Variants in VAT1 observed in about 807,000 individuals in gnomAD.
VAT1 encodes vesicle amine transport 1.
A neutral mutation model predicts 33.3 loss-of-function variants in VAT1; 24 were observed. The ratio of observed to expected loss-of-function variants is 0.72; its 90% CI spans 0.52 to 1.01. VAT1 has a LOEUF of 1.01. Among genes scored for constraint, VAT1 ranks in the 50% least tolerant of loss-of-function variants. The probability of loss-of-function intolerance (pLI) is 0.00; values close to 1 mark genes in which losing one functional copy is unlikely to be tolerated. For missense variants in VAT1, 436 were observed against 533.7 expected, an observed-to-expected ratio of 0.82 and a Z score of 1.80; for synonymous variants, 212 against 225.0, an observed-to-expected ratio of 0.94 and a Z score of 0.52.
At chr17:43,018,541 G>A in intron 2 of VAT1, 51 bp downstream of exon 2, 1 of 1,597,370 alleles carries the variant, frequency 6.3e-7, no homozygotes, top group East Asian at 2.2e-5. Context: ...GAAGGGGCCT[G>A]GAAGGAAATC....
In VAT1 at chr17:43,016,034, G is replaced by A; in HGVS notation, c.*27C>T. The A allele has an allele frequency of 2.5e-6, 4 of 1,612,124 alleles. No individual in the cohort carries two copies. The highest frequency in any genetic ancestry group is 1.7e-6 in the Non-Finnish European group (2 of 1,178,560). On this transcript the variant is annotated 3_prime_UTR_variant, in exon 6 of 6. Transcript: ENST00000355653. ...AGCTTCCCAACTTCTCCCTTCGCTG[G>A]TCTCTAGGGTCTCACAGCCACTTGC...
rs768638142 is a variant in VAT1, at chr17:43,015,991, T to C, written c.*70A>G. On this transcript the variant is annotated 3_prime_UTR_variant, in exon 6 of 6. Coordinates refer to ENST00000355653, the MANE Select transcript of VAT1 (RefSeq NM_006373.4). ...TATGACAGAGGCTGAAATGCAAGTCTGGTGGCCAACAGAACGTAGCTTCCC... is the reference window on the plus strand; with the variant it reads ...TATGACAGAGGCTGAAATGCAAGTCCGGTGGCCAACAGAACGTAGCTTCCC... 7.0e-5 allele frequency: 109 copies of C among 1,550,996 alleles called. No homozygotes were observed. Among genetic ancestry groups the C allele is most frequent in the Non-Finnish European group, 9.5e-5 (107 of 1,127,096 alleles).
rs1244030376 is a variant in VAT1 at position 43,017,935 on chromosome 17, CAT to C, written c.767-7_767-6del. On this transcript the variant is annotated splice_polypyrimidine_tract_variant and splice_region_variant and intron_variant, in intron 3 of 5. Transcript: ENST00000355653. Reference sequence around the variant, plus strand: ...GGTCCATGACAATGTCCACTCCTGTCATAGAGTAGGGGAACCCAAGAACAACA... The same window carrying C: ...GGTCCATGACAATGTCCACTCCTGTCAGAGTAGGGGAACCCAAGAACAACA... 2.5e-6 allele frequency: 4 copies of C among 1,614,066 alleles called. No homozygotes were observed. The highest frequency in any genetic ancestry group is 3.4e-6 in the Non-Finnish European group (4 of 1,180,024).
At chr17:43,018,467 C>T in intron 2 of VAT1, 125 bp downstream of exon 2, 1 of 1,164,968 alleles carries the variant, frequency 8.6e-7, no homozygotes, top group South Asian at 1.5e-5. Flanking sequence ...CAGCAGAGGC[C>T]TCTGGGAGCC....
chr17:43,018,538 C>A (rs2050539846), intron 2 of VAT1, 54 bp downstream of exon 2: 3 of 1,591,684 alleles, frequency 1.9e-6, no homozygotes, highest in Non-Finnish European at 2.6e-6. Context: ...AGGGAAGGGG[C>A]CTGGAAGGAA....
At chr17:43,020,483 T>TGCATA (rs1000760443) in intron 1 of VAT1, among the ~76,000 whole-genome samples, 8 of 152,150 alleles carry the variant, frequency 5.3e-5, no homozygotes, top group Non-Finnish European at 5.9e-5. Flanking sequence ...AGAAGCTGTT[T>TGCATA]GCATACAGGA....
intron 1 of VAT1, among the ~76,000 whole-genome samples, chr17:43,021,354 G>T (rs1692099888): frequency 6.6e-6 from 1 of 152,152 alleles, no homozygotes; most frequent in Non-Finnish European, 1.5e-5. Flanking sequence ...GGGTAGCAAA[G>T]GCTCTCTCTC....
At chr17:43,017,806 C>T (rs777667895) in intron 4 of VAT1, 35 bp downstream of exon 4, 7 of 1,605,298 alleles carry the variant, frequency 4.4e-6, no homozygotes, top group Non-Finnish European at 5.1e-6. Flanking sequence ...CTCCTGCCCT[C>T]ACATGCTCTC....
At chr17:43,020,244 C>T in intron 1 of VAT1, 1 of 985,454 alleles carries the variant, frequency 1.0e-6, no homozygotes, top group South Asian at 4.7e-5. Flanking sequence ...GAAGGGCCCT[C>T]CCCGCAGAAT....
Position 43,015,710 on chromosome 17 carries a change from AGAT to A in VAT1, c.*348_*350del, listed in dbSNP as rs2050514664. On this transcript the variant is annotated 3_prime_UTR_variant, in exon 6 of 6. Transcript: ENST00000355653. ...GGTGGCGGGGCAGGGACGGGAGGAA[AGAT>A]GAGGCAGAGGTGAAAGCACATGGAA... The A allele has an allele frequency of 4.0e-5, 12 of 300,252 alleles. No individual in the cohort carries two copies. In the South Asian group the frequency reaches 5.7e-4, roughly 14 times the overall value. The allele number at this position is 300,252 out of a possible 1,614,324, so 18.6% of individuals were successfully genotyped here. A position where few individuals can be genotyped will look rare whatever the true frequency, so the allele number is the denominator to read the frequency against.
At chr17:43,021,865 G>A (rs2050572101) in intron 1 of VAT1, 71 bp downstream of exon 1, 8 of 1,568,464 alleles carry the variant, frequency 5.1e-6, no homozygotes, top group Admixed American at 3.6e-5. Context: ...CACACCCCCG[G>A]CGCTCGCCCA....
At chr17:43,021,833 G>T (rs2050571817) in intron 1 of VAT1, 103 bp downstream of exon 1, 1 of 1,503,770 alleles carries the variant, frequency 6.6e-7, no homozygotes, top group African/African-American at 1.4e-5. Context: ...ACCCAGGTCC[G>T]CGCCAGTTTC....
intron 1 of VAT1, among the ~76,000 whole-genome samples, chr17:43,021,639 T>A (rs1192238804): frequency 7.5e-6 from 1 of 133,554 alleles, no homozygotes; most frequent in African/African-American, 2.8e-5. Context: ...GACGGTAGTG[T>A]GGTTGTGCGC....
chr17:43,020,417 T>C, intron 1 of VAT1: 1 of 465,626 alleles, frequency 2.1e-6, no homozygotes, highest in Non-Finnish European at 2.8e-6. Flanking sequence ...AGTGGGATCA[T>C]TTAGAAGTCA....
Position 43,016,457 on chromosome 17 carries a change from C to G in VAT1, c.948G>C (p.Leu316=). 2 of 1,614,216 alleles carry G rather than the reference C, an allele frequency of 1.2e-6. No individual in the cohort carries two copies. Among genetic ancestry groups the G allele is most frequent in the East Asian group, 2.2e-5 (1 of 44,882 alleles). ...CACACACAGCCCGGTTGGCCTGCAG[C>G]AGCTGCAGAGCTGTCACGCTGAACT... ...WNQFSVTALQ[L]LQANRAVCGF... The change falls in exon 5 of 6, where the codon CTG becomes CTC. Residue 316 remains leucine (L), a synonymous_variant. Coordinates refer to ENST00000355653, the MANE Select transcript of VAT1 (RefSeq NM_006373.4).
At chr17:43,018,289 C>T in intron 2 of VAT1, 83 bp from the exon 3 acceptor site, 1 of 1,466,780 alleles carries the variant, frequency 6.8e-7, no homozygotes, top group East Asian at 2.3e-5. Flanking sequence ...GGGACTCAGC[C>T]TGTCACCTTC....
intron 5 of VAT1, 42 bp downstream of exon 5, chr17:43,016,265 T>C (rs975325034): frequency 7.5e-6 from 12 of 1,607,018 alleles, no homozygotes; most frequent in South Asian, 1.1e-5. Flanking sequence ...CCAGCCTTCA[T>C]GAGTCCTACC....
chr17:43,020,035 G>A (rs1257377921), intron 1 of VAT1: 5 of 921,468 alleles, frequency 5.4e-6, no homozygotes, highest in Non-Finnish European at 6.5e-6. Context: ...TCCACCCAGG[G>A]ACTCAGGACT....
chr17:43,021,629 G>GGC (rs2050569620), intron 1 of VAT1, among the ~76,000 whole-genome samples: 1 of 127,014 alleles, frequency 7.9e-6, no homozygotes, highest in Non-Finnish European at 1.7e-5. Flanking sequence ...GGGGGGTGGG[G>GGC]ACGGTAGTGT....
Sources: allele counts gnomAD v4.1 joint callset (sites outside exome capture counted in the v4.1 genomes callset), GRCh38; gene constraint gnomAD v4.1.1; transcripts MANE v1.5; gene names NCBI Gene and HGNC (gene_info 2026-07-23, HGNC 2026-07-21).